Variants in STIM1 observed in about 807,000 individuals in gnomAD.
STIM1 encodes stromal interaction molecule 1.
A neutral mutation model predicts 74.7 loss-of-function variants in STIM1; 25 were observed. The observed-to-expected ratio is 0.33, with a 90% CI of 0.24 to 0.47. The LOEUF is 0.47. STIM1 is among the 20% of genes least tolerant of loss of function. STIM1 has a pLI of 1.00. For synonymous variants in STIM1, 328 were observed against 348.8 expected, an observed-to-expected ratio of 0.94 and a Z score of 0.66; for missense variants, 728 against 920.8, an observed-to-expected ratio of 0.79 and a Z score of 2.71.
At position 4,091,539 on chromosome 11, in the gene STIM1, G is replaced by A. The variant is rs376050145; in HGVS notation, c.1892G>A (p.Ser631Asn). The change falls in exon 13 of 13, where the codon AGC becomes AAC. Residue 631 changes from serine (S) to asparagine (N), a missense_variant. Ser to Asn is a conservative substitution (Grantham distance 46, BLOSUM62 1). Around this residue, in one of 5 missense-constraint regions of STIM1, gnomAD observed 352 missense variants for 370.1 expected, o/e 0.95. Coordinates refer to ENST00000526596, the MANE Select transcript of STIM1 (RefSeq NM_001382567.1). Reference protein sequence around the residue: ...LDKAHSLMELSPSAPPGGSPH... With the variant: ...LDKAHSLMELNPSAPPGGSPH... Reference sequence around the variant, plus strand: ...AAGGCCCACAGCCTGATGGAGCTGAGCCCCTCAGCCCCACCTGGTGGCTCT... The same window carrying A: ...AAGGCCCACAGCCTGATGGAGCTGAACCCCTCAGCCCCACCTGGTGGCTCT... The A allele has an allele frequency of 3.7e-6, 6 of 1,614,180 alleles. No individual in the cohort carries two copies. Among genetic ancestry groups the A allele is most frequent in the East Asian group, 4.5e-5 (2 of 44,866 alleles).
At chr11:3,886,458 G>A (rs549836749) in intron 1 of STIM1, among the ~76,000 whole-genome samples, 1 of 152,246 alleles carries the variant, frequency 6.6e-6, no homozygotes, top group South Asian at 2.1e-4. Context: ...GGAGGCCAAG[G>A]CAGGCAGATC....
chr11:3,856,481 T>C (rs2090375737), intron 1 of STIM1, 72 bp downstream of exon 1: 3 of 1,554,424 alleles, frequency 1.9e-6, no homozygotes, highest in Admixed American at 1.9e-5. Context: ...AGTGGGCAAG[T>C]TGAAATCTAG....
At chr11:3,974,720 G>A (rs992962546) in intron 2 of STIM1, among the ~76,000 whole-genome samples, 2 of 152,074 alleles carry the variant, frequency 1.3e-5, no homozygotes, top group African/African-American at 4.8e-5. Context: ...ATTGGTGATG[G>A]TGCCCTTCTT....
At chr11:4,040,796 TA>T (rs1565157216) in intron 3 of STIM1, among the ~76,000 whole-genome samples, 1 of 152,244 alleles carries the variant, frequency 6.6e-6, no homozygotes, top group Non-Finnish European at 1.5e-5. Context: ...AATCTGTCTC[TA>T]CTAACCTTGT....
chr11:3,902,159 G>A (rs960153462), intron 1 of STIM1, among the ~76,000 whole-genome samples: 2 of 152,206 alleles, frequency 1.3e-5, no homozygotes, highest in Admixed American at 6.5e-5. Flanking sequence ...ATCTAATAGA[G>A]ATGATTAGAT....
intron 2 of STIM1, among the ~76,000 whole-genome samples, chr11:3,994,311 G>A (rs1021646890): frequency 8.6e-5 from 13 of 151,996 alleles, no homozygotes; most frequent in Admixed American, 3.9e-4. Context: ...GACTTTTAGC[G>A]TTTTACTTAA....
intron 3 of STIM1, among the ~76,000 whole-genome samples, chr11:4,035,334 T>C (rs977628897): frequency 1.3e-5 from 2 of 151,150 alleles, no homozygotes; most frequent in African/African-American, 4.9e-5. Flanking sequence ...ATACCTAGAG[T>C]GAAGACACAA....
At chr11:3,898,683 A>G (rs369470591) in intron 1 of STIM1, among the ~76,000 whole-genome samples, 2 of 151,938 alleles carry the variant, frequency 1.3e-5, no homozygotes, top group Non-Finnish European at 2.9e-5. Context: ...ATGTTGAATT[A>G]ATTTTTGTAT....
chr11:3,880,076 G>A (rs191476386), intron 1 of STIM1, among the ~76,000 whole-genome samples: 2 of 152,322 alleles, frequency 1.3e-5, no homozygotes, highest in African/African-American at 4.8e-5. Context: ...AATGGCATGA[G>A]TTTGCAAGCA....
At chr11:3,906,408 A>G (rs919259503) in intron 1 of STIM1, among the ~76,000 whole-genome samples, 1 of 152,226 alleles carries the variant, frequency 6.6e-6, no homozygotes, top group African/African-American at 2.4e-5. Context: ...AGCAGCTAGC[A>G]TATGCCCTGA....
At chr11:4,039,923 A>G (rs952643289) in intron 3 of STIM1, among the ~76,000 whole-genome samples, 1 of 151,838 alleles carries the variant, frequency 6.6e-6, no homozygotes, top group Admixed American at 6.6e-5. Flanking sequence ...GCCCACGATG[A>G]CGCCCAGCTA....
At chr11:3,937,918 G>A (rs548570349) in intron 1 of STIM1, among the ~76,000 whole-genome samples, 8 of 151,766 alleles carry the variant, frequency 5.3e-5, no homozygotes, top group South Asian at 4.2e-4. Flanking sequence ...CTAGGATCTT[G>A]AGTCTGTTAG....
At chr11:3,989,489 G>C in intron 2 of STIM1, 1 of 643,574 alleles carries the variant, frequency 1.6e-6, no homozygotes, top group Non-Finnish European at 2.9e-6. Context: ...GTGCGTGCGG[G>C]ATGTCTGTGA....
rs1449184284 is a variant in STIM1 at position 4,083,471 on chromosome 11, G to A, written c.1447G>A (p.Glu483Lys). The A allele has an allele frequency of 3.1e-6, 5 of 1,614,170 alleles. No homozygotes were observed. The highest frequency in any genetic ancestry group is 3.3e-5 in the Admixed American group (2 of 60,032). The stretch of plus-strand genomic sequence containing the variant: ...TGACGACGTGGATGACATGGATGAG[G>A]AGATTGTGTCTCCCTTGTCCATGCA... ...MTDDVDDMDE[E>K]IVSPLSMQYA... The change falls in exon 10 of 13, where the codon GAG (glutamate) becomes AAG (lysine). Residue 483 changes from glutamate to lysine, a missense_variant. Transcript: ENST00000526596.
chr11:4,077,695 A>G (rs1394503234), intron 7 of STIM1, among the ~76,000 whole-genome samples: 3 of 152,076 alleles, frequency 2.0e-5, no homozygotes, highest in Non-Finnish European at 4.4e-5. Context: ...CATGTCTCTT[A>G]TGCTCAGTTC....
intron 1 of STIM1, among the ~76,000 whole-genome samples, chr11:3,903,271 G>T (rs1226493357): frequency 1.3e-5 from 2 of 152,116 alleles, no homozygotes; most frequent in Admixed American, 1.3e-4. Context: ...TAATCACTCT[G>T]GTTTACAGTT....
intron 11 of STIM1, among the ~76,000 whole-genome samples, chr11:4,085,290 G>A (rs1476206608): frequency 6.6e-6 from 1 of 152,118 alleles, no homozygotes; most frequent in African/African-American, 2.4e-5. Flanking sequence ...GCTCACCCTT[G>A]TAACCTGGCC....
intron 5 of STIM1, 21 bp from the exon 6 acceptor site, chr11:4,070,005 A>G (rs905583903): frequency 6.2e-7 from 1 of 1,613,596 alleles, no homozygotes; most frequent in Non-Finnish European, 8.5e-7. Context: ...CTAACTCATC[A>G]TGCCCTCCCC....
intron 3 of STIM1, among the ~76,000 whole-genome samples, chr11:4,046,783 G>A (rs936391345): frequency 2.9e-4 from 44 of 152,112 alleles, no homozygotes; most frequent in African/African-American, 1.1e-3. Context: ...CTAAGTAGCT[G>A]GGACTACAGG....
Sources: gnomAD v4.1 joint callset for allele counts (sites outside exome capture counted in the v4.1 genomes callset) on GRCh38, gnomAD v4.1.1 for gene constraint, gnomAD v4.1.1 regional missense constraint, MANE v1.5 for transcripts, NCBI Gene and HGNC (gene_info 2026-07-23, HGNC 2026-07-21) for gene names.